Variants in SPECC1L observed in about 807,000 individuals in gnomAD.
SPECC1L encodes the protein cytospin-A.
SPECC1L carries 40 observed loss-of-function variants against 116.8 expected under a neutral mutation model. The ratio of observed to expected loss-of-function variants is 0.34; its 90% CI spans 0.27 to 0.45. SPECC1L has a LOEUF of 0.45. SPECC1L is among the 20% of genes least tolerant of loss of function. SPECC1L has a pLI of 1.00. For synonymous variants in SPECC1L, 504 were observed against 500.6 expected (o/e 1.01, Z -0.09); for missense variants, 1,110 against 1,373.6 (o/e 0.81, Z 3.03).
chr22:24,279,298 G>A (rs533664748), intron 2 of SPECC1L, among the ~76,000 whole-genome samples: 8 of 152,306 alleles, frequency 5.3e-5, no homozygotes, highest in African/African-American at 1.9e-4. Context: ...ATGCAACCTG[G>A]TTGCGCCTGT....
At position 24,374,983 on chromosome 22, in the gene SPECC1L, A is replaced by G. The variant is rs566029959; in HGVS notation, c.3087+5663A>G. On this transcript the variant is annotated intron_variant, in intron 14 of 16. Transcript: ENST00000314328. The stretch of plus-strand genomic sequence containing the variant: ...AAGAAAACGAAGACTAAAGTTACCA[A>G]AATCAGGAATAAAGGGACGTTACTA... Among the ~76,000 whole-genome samples the G allele has an allele frequency of 4.6e-5, 7 of 152,230 alleles. No individual in the cohort carries two copies. The South Asian group carries it at 1.5e-3, about 32-fold the overall frequency.
chr22:24,315,927 CGCCAGTCATGT>C (rs968741894), intron 4 of SPECC1L, among the ~76,000 whole-genome samples: 2 of 152,202 alleles, frequency 1.3e-5, no homozygotes, highest in Non-Finnish European at 2.9e-5. Context: ...CTTACAAGAA[CGCCAGTCATGT>C]TGGATTAGGG....
In SPECC1L at chr22:24,416,852, A is replaced by G. The variant is rs922839566; in HGVS notation, c.*2229A>G. ...CAGGCCTGAGGTCAGCAACAGGGAA[A>G]GAGGGTGGGCACGGGGAGGGCTTGG... On this transcript the variant is annotated 3_prime_UTR_variant, in exon 17 of 17. Transcript: ENST00000314328. The G allele has an allele frequency of 6.6e-6, 1 of 152,364 alleles. No individual in the cohort carries two copies. The highest frequency in any genetic ancestry group is 2.4e-5 in the African/African-American group (1 of 41,454). The allele number at this position is 152,364 out of a possible 1,614,324, so 9.4% of individuals were successfully genotyped here. A position where few individuals can be genotyped will look rare whatever the true frequency, so the allele number is the denominator to read the frequency against.
chr22:24,344,744 C>T (rs181405580), intron 10 of SPECC1L, among the ~76,000 whole-genome samples: 161 of 152,226 alleles, frequency 1.1e-3, no homozygotes, highest in East Asian at 1.9e-3. Flanking sequence ...AAGGTTTACA[C>T]GAGGTCCTAT....
intron 3 of SPECC1L, among the ~76,000 whole-genome samples, chr22:24,311,534 GTAGC>G (rs2040459857): frequency 6.6e-6 from 1 of 152,110 alleles, no homozygotes; most frequent in African/African-American, 2.4e-5. Flanking sequence ...ACCAGGCATG[GTAGC>G]TCACACTTGT....
At chr22:24,392,312 A>T (rs2042288147) in intron 14 of SPECC1L, among the ~76,000 whole-genome samples, 3 of 151,850 alleles carry the variant, frequency 2.0e-5, no homozygotes, top group Non-Finnish European at 2.9e-5. Context: ...TCTGGGTCAA[A>T]TAATCTTTAT....
intron 15 of SPECC1L, chr22:24,412,347 C>T: frequency 4.2e-6 from 2 of 481,224 alleles, no homozygotes; most frequent in Non-Finnish European, 7.7e-6. Flanking sequence ...TCCTAACTAG[C>T]TTTTGGGGGT....
At chr22:24,298,455 A>G (rs1283686745) in intron 2 of SPECC1L, among the ~76,000 whole-genome samples, 3 of 152,212 alleles carry the variant, frequency 2.0e-5, no homozygotes, top group Non-Finnish European at 1.5e-5. Flanking sequence ...CATTCTATAT[A>G]TAACAAGATC....
intron 3 of SPECC1L, among the ~76,000 whole-genome samples, chr22:24,311,138 T>C (rs2040453326): frequency 6.6e-6 from 1 of 152,200 alleles, no homozygotes; most frequent in South Asian, 2.1e-4. Flanking sequence ...TCTTAATCAT[T>C]ATAAGTGCAA....
Position 24,390,881 on chromosome 22 carries a change from T to TTTC in SPECC1L, c.3088-20705_3088-20704insCTT, listed in dbSNP as rs1569445781. On this transcript the variant is annotated intron_variant, in intron 14 of 16. Transcript: ENST00000314328. ...TTTTTTTTTTTCTTTTCTTTTTTTT[T>TTTC]TTTTTTTTTTTTTTTTTGAGTCAGA... 5.9e-3 allele frequency among the ~76,000 whole-genome samples: 698 copies of TTTC among 119,214 alleles called. 22 individuals are homozygous for TTTC. The highest frequency in any genetic ancestry group is 0.053 in the East Asian group (217 of 4,110). 78.2% of individuals were successfully genotyped at this position (119,214 alleles called of 152,430 possible). A position where few individuals can be genotyped will look rare whatever the true frequency, so the allele number is the denominator to read the frequency against.
chr22:24,375,238 T>C (rs2041949410), intron 14 of SPECC1L, among the ~76,000 whole-genome samples: 1 of 152,168 alleles, frequency 6.6e-6, no homozygotes, highest in African/African-American at 2.4e-5. Context: ...TGGTTAATTC[T>C]TCCAAATTTT....
intron 3 of SPECC1L, among the ~76,000 whole-genome samples, chr22:24,307,550 A>G (rs1432586747): frequency 1.3e-5 from 2 of 151,876 alleles, no homozygotes; most frequent in Non-Finnish European, 2.9e-5. Context: ...AATGTAGCTC[A>G]ATTTATTAAT....
In SPECC1L at chr22:24,308,315, G is replaced by C. The variant is rs539987383; in HGVS notation, c.154-4998G>C. Among the ~76,000 whole-genome samples the C allele has an allele frequency of 2.0e-5, 3 of 152,230 alleles. No individual in the cohort carries two copies. The South Asian group carries it at 6.2e-4, about 32-fold the overall frequency. On this transcript the variant is annotated intron_variant, in intron 3 of 16. Coordinates refer to ENST00000314328, the MANE Select transcript of SPECC1L (RefSeq NM_015330.6). ...AGTATCCAATCCAGGATTATGTATT[G>C]CATTTAGTTGTTATGCTCCTCATCC...
intron 8 of SPECC1L, among the ~76,000 whole-genome samples, chr22:24,331,861 G>A (rs1264068425): frequency 6.6e-6 from 1 of 152,016 alleles, no homozygotes; most frequent in Non-Finnish European, 1.5e-5. Flanking sequence ...ACTTAAAGAT[G>A]TCCTTGGTAA....
At chr22:24,300,570 A>C (rs2049357419) in intron 2 of SPECC1L, among the ~76,000 whole-genome samples, 1 of 152,224 alleles carries the variant, frequency 6.6e-6, no homozygotes, top group Non-Finnish European at 1.5e-5. Flanking sequence ...CAATGGTTGA[A>C]GTAATTTACA....
chr22:24,373,576 A>G (rs1486924096), intron 14 of SPECC1L, among the ~76,000 whole-genome samples: 2 of 152,244 alleles, frequency 1.3e-5, no homozygotes, highest in Non-Finnish European at 1.5e-5. Context: ...AGCCATATGT[A>G]GAAAGCTGAA....
Position 24,321,498 on chromosome 22 carries a change from A to G in SPECC1L, c.518A>G (p.Asn173Ser), listed in dbSNP as rs202188069. 5 of 1,614,152 alleles carry G rather than the reference A, an allele frequency of 3.1e-6. No individual in the cohort carries two copies. The African/African-American group carries it at 4.0e-5, about 13-fold the overall frequency. ...DVRMSKSKSD[N>S]QISDRAALEA... ...CGTATGAGCAAGTCTAAGTCAGACA[A>G]TCAGATCAGTGACAGAGCTGCTTTG... is the stretch of plus-strand genomic sequence containing the variant. The change falls in exon 5 of 17, where the codon AAT (asparagine) becomes AGT (serine). Residue 173 changes from asparagine to serine, a missense_variant. By Grantham distance (46) the Asn-to-Ser change is conservative. This residue lies in a region of SPECC1L where 437 missense variants were observed against 482.6 expected (regional missense o/e 0.91). Transcript: ENST00000314328.
At chr22:24,295,933 A>G (rs1393545053) in intron 2 of SPECC1L, among the ~76,000 whole-genome samples, 1 of 152,170 alleles carries the variant, frequency 6.6e-6, no homozygotes, top group Non-Finnish European at 1.5e-5. Flanking sequence ...GGGGGAGAAG[A>G]GCAAGACTTC....
intron 14 of SPECC1L, among the ~76,000 whole-genome samples, chr22:24,387,833 T>TCAG (rs576096586): frequency 1.4e-3 from 209 of 152,316 alleles, no homozygotes; most frequent in African/African-American, 4.6e-3. Flanking sequence ...AATCAAGGTG[T>TCAG]CAGCAGAGCT....
Sources: gnomAD v4.1 joint callset for allele counts (sites outside exome capture counted in the v4.1 genomes callset) on GRCh38, gnomAD v4.1.1 for gene constraint, gnomAD v4.1.1 regional missense constraint, MANE v1.5 for transcripts, NCBI Gene and HGNC (gene_info 2026-07-23, HGNC 2026-07-21) for gene names.